PLXNB2: variants seen among roughly 807,000 people sequenced by gnomAD.
PLXNB2 encodes the protein plexin-B2.
In PLXNB2, 85 loss-of-function variants were observed where a neutral mutation model predicts 202.6. That is an observed-to-expected ratio of 0.42 (90% confidence interval 0.35 to 0.50). The LOEUF is 0.50. PLXNB2 is among the 20% of genes least tolerant of loss of function. The probability of loss-of-function intolerance (pLI) is 0.02; values close to 1 mark genes in which losing one functional copy is unlikely to be tolerated. For missense variants in PLXNB2, 2,063 were observed against 2,586.2 expected, an observed-to-expected ratio of 0.80 and a Z score of 4.39; for synonymous variants, 1,239 against 1,137.6, an observed-to-expected ratio of 1.09 and a Z score of -1.79.
intron 31 of PLXNB2, 51 bp downstream of exon 31, chr22:50,278,066 A>T (rs1601676541): frequency 6.6e-7 from 1 of 1,509,420 alleles, no homozygotes; most frequent in African/African-American, 1.4e-5. Context: ...CCTGGGGGGG[A>T]GGGTCTCAGC....
chr22:50,304,067 G>GA (rs939846366), intron 1 of PLXNB2, among the ~76,000 whole-genome samples: 2 of 152,216 alleles, frequency 1.3e-5, no homozygotes, highest in African/African-American at 4.8e-5. Context: ...AGCGGGCCAC[G>GA]GTGTGGGCTG....
At chr22:50,294,264 G>C (rs2067101838) in intron 2 of PLXNB2, among the ~76,000 whole-genome samples, 1 of 152,268 alleles carries the variant, frequency 6.6e-6, no homozygotes, top group East Asian at 1.9e-4. Flanking sequence ...GCTCGGAGGG[G>C]CACTTTCAAG....
At chr22:50,283,271 G>T in intron 16 of PLXNB2, 66 bp downstream of exon 16, 1 of 1,607,072 alleles carries the variant, frequency 6.2e-7, no homozygotes. Context: ...TCGTGGGGAG[G>T]CGGCGGGCAG....
Position 50,277,702 on chromosome 22 carries a change from G to A in PLXNB2, c.5085C>T (p.Asn1695=), listed in dbSNP as rs577018187. ...PLRFWVNILK[N]PHFIFDVHVH... ...CATGCACGTCAAAGATGAAGTGGGG[G>A]TTCTTGAGGATGTTCACCCAGAACC... Residue 1695 remains asparagine, a synonymous_variant, in exon 33 of 37, where the codon AAC becomes AAT. Transcript: ENST00000359337. The A allele has an allele frequency of 6.2e-6, 10 of 1,605,592 alleles. No homozygotes were observed. The Admixed American group carries it at 1.5e-4, about 24-fold the overall frequency.
At chr22:50,294,528 C>A (rs1169928211) in intron 2 of PLXNB2, among the ~76,000 whole-genome samples, 191 bp downstream of exon 2, 1 of 148,962 alleles carries the variant, frequency 6.7e-6, no homozygotes, top group African/African-American at 2.5e-5. Context: ...AGCCTCACAG[C>A]GGCTCCATGG....
In PLXNB2 at chr22:50,291,431, G is replaced by C. The variant is rs1017393030; in HGVS notation, c.-13-834C>G. ...GCGTGTGTGTAACTGAGCACGTCTC[G>C]GTGTGGGGTCTGTGCCTGGGTCCGG... is the stretch of plus-strand genomic sequence containing the variant. On this transcript the variant is annotated intron_variant, in intron 2 of 36. Transcript: ENST00000359337. This position sits in a 1 kb window ranked among gnomAD's most constrained non-coding sequence, Gnocchi z 4.3. Among the ~76,000 whole-genome samples, 1 of 152,136 alleles carries C rather than the reference G, an allele frequency of 6.6e-6. No homozygotes were observed. The highest frequency in any genetic ancestry group is 1.5e-5 in the Non-Finnish European group (1 of 67,994).
At chr22:50,282,611 G>T in intron 18 of PLXNB2, 100 bp downstream of exon 18, 3 of 880,742 alleles carry the variant, frequency 3.4e-6, no homozygotes, top group South Asian at 3.4e-5. Context: ...CCGCTGCACA[G>T]ACCAGCCCCA....
At chr22:50,286,468 G>A (rs568521606) in intron 8 of PLXNB2, among the ~76,000 whole-genome samples, 181 bp from the exon 9 acceptor site, 191 of 152,260 alleles carry the variant, frequency 1.3e-3, no homozygotes, top group Middle Eastern at 6.8e-3. Context: ...ATCTCGGGTG[G>A]GGCTGCCAGG....
chr22:50,279,531 C>A, intron 27 of PLXNB2, 99 bp downstream of exon 27: 14 of 1,161,712 alleles, frequency 1.2e-5, no homozygotes, highest in Non-Finnish European at 1.7e-5. Flanking sequence ...AGGAGGTGGA[C>A]GGCCTCTGGC....
In PLXNB2 at chr22:50,277,861, C is replaced by T. The variant is rs1126998; in HGVS notation, c.5040G>A (p.Lys1680=). Residue 1680 remains lysine (K), a synonymous_variant, in exon 32 of 37, where the codon AAG becomes AAA. Transcript: ENST00000359337. The stretch of plus-strand genomic sequence containing the variant: ...TGGGTGTGGAGCCTCACCTGTTCGT[C>T]TTCCAGATGTGGATGGTGTCTTCAT... The part of the protein sequence containing the change: ...IQDEDTIHIW[K]TNSLPLRFWV... 3.1e-6 allele frequency: 5 copies of T among 1,612,820 alleles called. No individual in the cohort carries two copies. Among genetic ancestry groups the T allele is most frequent in the Non-Finnish European group, 4.2e-6 (5 of 1,179,810 alleles).
chr22:50,301,084 A>G (rs751694932), intron 1 of PLXNB2, among the ~76,000 whole-genome samples: 3 of 152,132 alleles, frequency 2.0e-5, no homozygotes, highest in Non-Finnish European at 4.4e-5. Context: ...CACAGTTGTG[A>G]GGCCCTCCTC....
rs948668004 is a variant in PLXNB2, at chr22:50,284,564, G to C, written c.2181+9C>G. 1 of 1,607,978 alleles carries C rather than the reference G, an allele frequency of 6.2e-7. No individual in the cohort carries two copies. Among genetic ancestry groups the C allele is most frequent in the South Asian group, 1.1e-5 (1 of 90,936 alleles). On this transcript the variant is annotated intron_variant, in intron 12 of 36. Transcript: ENST00000359337. This position sits in a 1 kb window ranked among gnomAD's most constrained non-coding sequence, Gnocchi z 8.0. ...CCAGCAGCCGAGCCGGCCTGCCCTG[G>C]AGCCGTACCTTTGGGGTCCGAAAGG...
rs1569156705 is a variant in PLXNB2 at position 50,278,016 on chromosome 22, G to A, written c.4888-3C>T. 3 of 1,610,914 alleles carry A rather than the reference G, an allele frequency of 1.9e-6. No homozygotes were observed. The highest frequency in any genetic ancestry group is 2.5e-6 in the Non-Finnish European group (3 of 1,178,358). ...TCCACAAACTGCTGCAGTGTGCCCTGTGGGGGGGAGGGTCTCAGCGTGACG... is the reference window on the plus strand; with the variant it reads ...TCCACAAACTGCTGCAGTGTGCCCTATGGGGGGGAGGGTCTCAGCGTGACG... On this transcript the variant is annotated splice_region_variant and splice_polypyrimidine_tract_variant and intron_variant, in intron 31 of 36. Transcript: ENST00000359337.
In PLXNB2 at chr22:50,283,346, G is replaced by A; in HGVS notation, c.2670C>T (p.Phe890=). The A allele has an allele frequency of 6.2e-7, 1 of 1,613,014 alleles. No homozygotes were observed. The highest frequency in any genetic ancestry group is 1.1e-5 in the South Asian group (1 of 91,078). The change falls in exon 16 of 37, where the codon TTC becomes TTT. Residue 890 remains phenylalanine (F), a synonymous_variant. Transcript: ENST00000359337. ...KLGRSPPNVQ[F]TFQQPKPLSV... Reference sequence around the variant, plus strand: ...GAGGCCGGGTGCTTACTTGGAAGGTGAACTGGACATTGGGAGGCGAACGGC... The same window carrying A: ...GAGGCCGGGTGCTTACTTGGAAGGTAAACTGGACATTGGGAGGCGAACGGC...
rs1309222896 is a variant in PLXNB2, at chr22:50,287,191, G to A, written c.1682C>T (p.Pro561Leu). Residue 561 changes from proline to leucine, a missense_variant, in exon 8 of 37, where the codon CCG becomes CTG. By Grantham distance (98) the Pro-to-Leu change is moderately conservative. Transcript: ENST00000359337. ...GCCCTCCACGCGGGCGGGGTGTGGC[G>A]GCGACTCCCCAAAAAGGCACAGCAA... ...DELLCLFGES[P>L]PHPARVEGEA... The A allele has an allele frequency of 3.9e-6, 6 of 1,548,692 alleles. No individual in the cohort carries two copies. The highest frequency in any genetic ancestry group is 2.0e-5 in the Admixed American group (1 of 50,928).
Position 50,281,960 on chromosome 22 carries a change from G to A in PLXNB2, c.3239C>T (p.Ala1080Val), listed in dbSNP as rs1160131860. The A allele has an allele frequency of 1.2e-6, 2 of 1,613,004 alleles. No individual in the cohort carries two copies. ...GGCCCCGGCCTCTGTTCTGAGCAGG[G>A]CACGGTGCCCGTCCATCTCGATCAG... Reference protein sequence around the residue: ...TVLIEMDGHRALLRTEAGAFE... With the variant: ...TVLIEMDGHRVLLRTEAGAFE... The change falls in exon 20 of 37, where the codon GCC becomes GTC. Residue 1080 changes from alanine to valine, a missense_variant. This residue lies in a region of PLXNB2 where 760 missense variants were observed against 1,109.4 expected (regional missense o/e 0.69). Transcript: ENST00000359337.
rs1251761027 is a variant in PLXNB2 at position 50,291,005 on chromosome 22, G to A, written c.-13-408C>T. On this transcript the variant is annotated intron_variant, in intron 2 of 36. Transcript: ENST00000359337. The surrounding 1 kb of genome is among the most constrained non-coding windows in gnomAD (Gnocchi z 4.3). ...GTGGTCGGGACGCACCGGCCCCAGC[G>A]CACAGGCTCAGGCTGACAGACAGAC... Among the ~76,000 whole-genome samples the A allele has an allele frequency of 3.9e-5, 6 of 152,170 alleles. No individual in the cohort carries two copies. The highest frequency in any genetic ancestry group is 9.7e-5 in the African/African-American group (4 of 41,436).
intron 21 of PLXNB2, 27 bp downstream of exon 21, chr22:50,281,539 A>AC (rs767056584): frequency 2.5e-6 from 4 of 1,572,790 alleles, no homozygotes; most frequent in Non-Finnish European, 1.7e-6. Flanking sequence ...CCGTGGGGGC[A>AC]CCCCCCGCCA....
chr22:50,278,042 C>T (rs2065731219), intron 31 of PLXNB2, 29 bp from the exon 32 acceptor site: 1 of 1,606,028 alleles, frequency 6.2e-7, no homozygotes, highest in African/African-American at 1.3e-5. Context: ...CAGCGTGACG[C>T]CGTGGGCGCG....
Sources: allele counts gnomAD v4.1 joint callset (sites outside exome capture counted in the v4.1 genomes callset), GRCh38; gene constraint gnomAD v4.1.1; regional missense constraint gnomAD v4.1.1; non-coding constraint Gnocchi (gnomAD v3.1); transcripts MANE v1.5; gene names NCBI Gene and HGNC (gene_info 2026-07-23, HGNC 2026-07-21).